VGLL3: variants seen among roughly 807,000 people sequenced by gnomAD.
The protein encoded by VGLL3 is transcription cofactor vestigial-like protein 3.
VGLL3 carries 18 observed loss-of-function variants against 29.2 expected under a neutral mutation model. That is an observed-to-expected ratio of 0.62 (90% CI 0.43 to 0.91). The LOEUF (loss-of-function observed/expected upper bound fraction) is 0.91, where lower values mean the gene tolerates loss of function less well. Among genes scored for constraint, VGLL3 ranks in the 40% least tolerant of loss-of-function variants. The pLI, the probability that VGLL3 is intolerant of heterozygous loss-of-function variation, is 0.00. For missense variants in VGLL3, 440 were observed against 413.2 expected, an observed-to-expected ratio of 1.06 and a Z score of -0.56; for synonymous variants, 180 against 151.8, an observed-to-expected ratio of 1.19 and a Z score of -1.36.
intron 2 of VGLL3, among the ~76,000 whole-genome samples, chr3:86,972,875 C>A (rs1705131971): frequency 6.6e-6 from 1 of 151,912 alleles, no homozygotes; most frequent in South Asian, 2.1e-4. Flanking sequence ...ATATTACTCA[C>A]ACATACATAC....
chr3:86,953,003 G>A lies in VGLL3; in HGVS notation c.938-5936C>T, dbSNP rs532758249. On this transcript the variant is annotated intron_variant, in intron 3 of 3. Coordinates refer to ENST00000398399, the MANE Select transcript of VGLL3 (RefSeq NM_016206.4). Reference sequence around the variant, plus strand: ...AGAATTTCTAAATAAGATCTGTGTAGGGGTAGGACCTTAACACTTGCAAGA... The same window carrying A: ...AGAATTTCTAAATAAGATCTGTGTAAGGGTAGGACCTTAACACTTGCAAGA... Among the ~76,000 whole-genome samples, 25 of 152,272 alleles carry A rather than the reference G, an allele frequency of 1.6e-4. No individual in the cohort carries two copies. The East Asian group carries it at 4.8e-3, about 29-fold the overall frequency.
Position 86,978,543 on chromosome 3 carries a change from A to G in VGLL3, c.386T>C (p.Leu129Pro), listed in dbSNP as rs771203225. ...ATTCTTACCTCGCCATAGGGGGGTT[A>G]GCCCCATCTTGCTTTTTGAAATGGC... Reference protein sequence around the residue: ...ESAISKSKMGLTPLWRDSSAL... With the variant: ...ESAISKSKMGPTPLWRDSSAL... The change falls in exon 2 of 4, where the codon CTA (leucine) becomes CCA (proline). Residue 129 changes from leucine (L) to proline (P), a missense_variant. By Grantham distance (98) the Leu-to-Pro change is moderately conservative. Transcript: ENST00000398399. The G allele has an allele frequency of 1.2e-6, 2 of 1,614,060 alleles. No homozygotes were observed. The highest frequency in any genetic ancestry group is 1.3e-5 in the African/African-American group (1 of 74,952).
chr3:86,949,765 C>T (rs1324893188), intron 3 of VGLL3, among the ~76,000 whole-genome samples: 25 of 145,362 alleles, frequency 1.7e-4, no homozygotes, highest in Non-Finnish European at 2.7e-4. Context: ...AGGCAGAGCT[C>T]ACAGTGAGCC....
In VGLL3 at chr3:86,947,087, G is replaced by A. The variant is rs200849309; in HGVS notation, c.938-20C>T. On this transcript the variant is annotated intron_variant, in intron 3 of 3. Transcript: ENST00000398399. ...GTAGACCTGGAACAAATGACAATGG[G>A]GAAAAAATAAAGAACATTAATACAT... is the stretch of plus-strand genomic sequence containing the variant. The A allele has an allele frequency of 6.4e-6, 5 of 778,236 alleles. No homozygotes were observed. Among genetic ancestry groups the A allele is most frequent in the East Asian group, 2.4e-5 (1 of 41,104 alleles). The allele number at this position is 778,236 out of a possible 1,614,324, so 48.2% of individuals were successfully genotyped here. A position where few individuals can be genotyped will look rare whatever the true frequency, so the allele number is the denominator to read the frequency against.
chr3:86,978,444 G>T, intron 2 of VGLL3, 82 bp downstream of exon 2: 1 of 1,469,248 alleles, frequency 6.8e-7, no homozygotes, highest in Non-Finnish European at 9.2e-7. Flanking sequence ...ATCCTCAGGG[G>T]CAAGTCTCCA....
chr3:86,947,610 C>CATAACTGTTATGA (rs1704533402), intron 3 of VGLL3, among the ~76,000 whole-genome samples: 1 of 152,040 alleles, frequency 6.6e-6, no homozygotes, highest in Non-Finnish European at 1.5e-5. Context: ...GTAAAATAAA[C>CATAACTGTTATGA]ACAGTTGGTT....
chr3:86,952,358 C>T (rs569956834), intron 3 of VGLL3, among the ~76,000 whole-genome samples: 55 of 152,240 alleles, frequency 3.6e-4, no homozygotes, highest in African/African-American at 1.3e-3. Context: ...AGTCATAACC[C>T]ACTAAATAAA....
chr3:86,978,410 A>G (rs1946747), intron 2 of VGLL3, 116 bp downstream of exon 2: 35,253 of 1,203,952 alleles, frequency 0.029, 3,280 homozygotes, highest in African/African-American at 0.27. Flanking sequence ...CTGTCCTTAA[A>G]TATTAAAAAG....
chr3:86,986,060 T>C (rs73134228), intron 1 of VGLL3, among the ~76,000 whole-genome samples: 10 of 33,492 alleles, frequency 3.0e-4, no homozygotes, highest in Non-Finnish European at 1.1e-3. Flanking sequence ...CACACACACA[T>C]ATATACACAC....
chr3:86,975,963 A>T (rs1337861635), intron 2 of VGLL3, among the ~76,000 whole-genome samples: 2 of 152,006 alleles, frequency 1.3e-5, no homozygotes, highest in Non-Finnish European at 2.9e-5. Context: ...AAAATACAAA[A>T]ATTAGCTGGG....
intron 3 of VGLL3, chr3:86,962,384 T>A (rs1704870486): frequency 1.0e-6 from 1 of 985,220 alleles, no homozygotes; most frequent in Non-Finnish European, 1.2e-6. Flanking sequence ...ACAGTATGGA[T>A]CCTTTTAAAT....
chr3:86,941,374 T>C lies in VGLL3; in HGVS notation c.*5650A>G, dbSNP rs1704394018. On this transcript the variant is annotated 3_prime_UTR_variant, in exon 4 of 4. Transcript: ENST00000398399. ...TAGGAAAGTTCACATCTTATGCATA[T>C]ACCAAAAAAACTAATTAAAGTATGT... 6.6e-6 allele frequency: 1 copy of C among 152,272 alleles called. No individual in the cohort carries two copies. Among genetic ancestry groups the C allele is most frequent in the Admixed American group, 6.6e-5 (1 of 15,228 alleles). The allele number at this position is 152,272 out of a possible 1,614,324, so 9.4% of individuals were successfully genotyped here.
chr3:86,960,932 G>GGTATATATATATATAT (rs1457503323), intron 3 of VGLL3, among the ~76,000 whole-genome samples: 1 of 137,938 alleles, frequency 7.2e-6, no homozygotes, highest in African/African-American at 2.8e-5. Flanking sequence ...AAGTAATTGT[G>GGTATATATATATATAT]ATATATATAT....
At chr3:86,970,206 A>G (rs963096156) in intron 2 of VGLL3, among the ~76,000 whole-genome samples, 6 of 152,150 alleles carry the variant, frequency 3.9e-5, no homozygotes, top group African/African-American at 1.4e-4. Flanking sequence ...AATCGTAATA[A>G]CACATTTATA....
chr3:86,985,219 G>A (rs1468282059), intron 1 of VGLL3, among the ~76,000 whole-genome samples: 5 of 152,082 alleles, frequency 3.3e-5, no homozygotes, highest in African/African-American at 1.2e-4. Flanking sequence ...CTGATATTTA[G>A]CCAAAAAAAC....
Position 86,946,802 on chromosome 3 carries a change from A to G in VGLL3, c.*222T>C. 1 of 461,494 alleles carries G rather than the reference A, an allele frequency of 2.2e-6. No homozygotes were observed. Among genetic ancestry groups the G allele is most frequent in the South Asian group, 4.3e-5 (1 of 23,124 alleles). 28.6% of individuals were successfully genotyped at this position (461,494 alleles called of 1,614,324 possible). On this transcript the variant is annotated 3_prime_UTR_variant, in exon 4 of 4. Transcript: ENST00000398399. The stretch of plus-strand genomic sequence containing the variant: ...AAAGGAGAGAGTTGCACAGTTGGCA[A>G]AGGCTCAGATGAGGAAATAAACAAA...
At position 86,986,941 on chromosome 3, in the gene VGLL3, G is replaced by A. The variant is rs559629862; in HGVS notation, c.126+3677C>T. On this transcript the variant is annotated intron_variant, in intron 1 of 3. Transcript: ENST00000398399. ...CTTGGAAAGAATCTCGCACTCCAACGCCAAAGAATCTATTGCATATTAATC... is the reference window on the plus strand; with the variant it reads ...CTTGGAAAGAATCTCGCACTCCAACACCAAAGAATCTATTGCATATTAATC... Among the ~76,000 whole-genome samples, 9 of 152,058 alleles carry A rather than the reference G, an allele frequency of 5.9e-5. 1 individual carries two copies. Among genetic ancestry groups the A allele is most frequent in the East Asian group, 5.8e-4 (3 of 5,176 alleles).
Position 86,940,819 on chromosome 3 carries a change from C to T in VGLL3, c.*6205G>A, listed in dbSNP as rs1378667568. 6.6e-6 allele frequency: 1 copy of T among 151,930 alleles called. No individual in the cohort carries two copies. Among genetic ancestry groups the T allele is most frequent in the Non-Finnish European group, 1.5e-5 (1 of 67,848 alleles). 9.4% of individuals were successfully genotyped at this position (151,930 alleles called of 1,614,324 possible). A position where few individuals can be genotyped will look rare whatever the true frequency, so the allele number is the denominator to read the frequency against. On this transcript the variant is annotated 3_prime_UTR_variant, in exon 4 of 4. Transcript: ENST00000398399. ...AAAAAATATATAATTTTATAATTAT[C>T]TTATAAAGCCAAAAGTTTTATGAAT...
intron 2 of VGLL3, among the ~76,000 whole-genome samples, chr3:86,972,410 G>T (rs993270088): frequency 9.9e-5 from 15 of 152,038 alleles, no homozygotes; most frequent in Admixed American, 6.6e-5. Flanking sequence ...ATTTACAATT[G>T]AAACAATATT....
Sources: gnomAD v4.1 joint callset for allele counts (sites outside exome capture counted in the v4.1 genomes callset) on GRCh38, gnomAD v4.1.1 for gene constraint, MANE v1.5 for transcripts, NCBI Gene and HGNC (gene_info 2026-07-23, HGNC 2026-07-21) for gene names.